The following ANO2 variants were observed in gnomAD, a reference collection of about 807,000 sequenced individuals.
ANO2 encodes the protein anoctamin-2.
A neutral mutation model predicts 124.2 loss-of-function variants in ANO2; 101 were observed. The observed-to-expected ratio is 0.81, with a 90% confidence interval of 0.69 to 0.96. ANO2 has a LOEUF of 0.96. Among genes scored for constraint, ANO2 ranks in the 40% least tolerant of loss-of-function variants. The probability of loss-of-function intolerance (pLI) is 0.00; values close to 1 mark genes in which losing one functional copy is unlikely to be tolerated. For missense variants in ANO2, 1,293 were observed against 1,274.5 expected, an observed-to-expected ratio of 1.01 and a Z score of -0.22; for synonymous variants, 486 against 482.5, an observed-to-expected ratio of 1.01 and a Z score of -0.09.
Position 5,578,456 on chromosome 12 carries a change from G to A in ANO2, c.2296C>T (p.Leu766Phe), listed in dbSNP as rs1942551827. Residue 766 changes from leucine to phenylalanine, a missense_variant, in exon 21 of 25, where the codon CTC becomes TTC. By Grantham distance (22) the Leu-to-Phe change is conservative. Transcript: ENST00000682330. ...ASFPLAPVFALLNNVIEVRLD... is the reference protein window; with the variant it reads ...ASFPLAPVFAFLNNVIEVRLD... Reference sequence around the variant, plus strand: ...CGCACTTCAATGACGTTGTTGAGGAGGGCAAACACAGGTGCCAGGGGAAAG... The same window carrying A: ...CGCACTTCAATGACGTTGTTGAGGAAGGCAAACACAGGTGCCAGGGGAAAG... The A allele has an allele frequency of 3.1e-6, 5 of 1,613,952 alleles. No homozygotes were observed. In the East Asian group the frequency reaches 6.7e-5, roughly 22 times the overall value.
At chr12:5,936,198 T>C (rs1301808591) in intron 1 of ANO2, among the ~76,000 whole-genome samples, 2 of 152,210 alleles carry the variant, frequency 1.3e-5, no homozygotes, top group Non-Finnish European at 2.9e-5. Flanking sequence ...GTCTGTTCAA[T>C]TTTCTTGATG....
chr12:5,766,343 G>A (rs1231441771), intron 10 of ANO2, among the ~76,000 whole-genome samples: 8 of 152,166 alleles, frequency 5.3e-5, no homozygotes, highest in Admixed American at 2.0e-4. Context: ...TTTTGGTATA[G>A]TCACCCAATG....
rs918616296 is a variant in ANO2 at position 5,689,228 on chromosome 12, A to G, written c.1546-41427T>C. ...AAAAGCAAGGGAACTTGAGGCAGGT[A>G]CATATCTGAGGGAGAGTTTAATTAG... On this transcript the variant is annotated intron_variant, in intron 14 of 24. Coordinates refer to ENST00000682330, the MANE Select transcript of ANO2 (RefSeq NM_001364791.2). Among the ~76,000 whole-genome samples the G allele has an allele frequency of 2.6e-5, 4 of 152,238 alleles. No individual in the cohort carries two copies. In the South Asian group the frequency reaches 8.3e-4, roughly 32 times the overall value.
chr12:5,879,941 A>T (rs1316726095), intron 3 of ANO2, among the ~76,000 whole-genome samples: 1 of 152,252 alleles, frequency 6.6e-6, no homozygotes, highest in Non-Finnish European at 1.5e-5. Context: ...CTGATAGAGC[A>T]TGAAGATGGT....
chr12:5,637,875 G>A (rs1471222208), intron 15 of ANO2, among the ~76,000 whole-genome samples: 3 of 152,044 alleles, frequency 2.0e-5, no homozygotes, highest in Admixed American at 6.5e-5. Flanking sequence ...CAGAGCTTTC[G>A]AGCTGCAGGA....
chr12:5,610,629 A>T (rs1045836475), intron 19 of ANO2, among the ~76,000 whole-genome samples: 22 of 143,106 alleles, frequency 1.5e-4, no homozygotes, highest in Non-Finnish European at 1.4e-4. Flanking sequence ...ATATTTATAT[A>T]TATGTATATA....
intron 20 of ANO2, among the ~76,000 whole-genome samples, chr12:5,586,949 C>G (rs1312799738): frequency 6.6e-6 from 1 of 152,176 alleles, no homozygotes; most frequent in Admixed American, 6.5e-5. Context: ...ATTACTAGCA[C>G]TTCAAAATAA....
At chr12:5,750,812 C>T in intron 11 of ANO2, 24 bp downstream of exon 11, 2 of 1,603,480 alleles carry the variant, frequency 1.2e-6, no homozygotes, top group East Asian at 2.2e-5. Flanking sequence ...GGCAACTGAG[C>T]CCTTTTCTTT....
At chr12:5,764,335 C>A (rs1470051500) in intron 10 of ANO2, among the ~76,000 whole-genome samples, 4 of 152,198 alleles carry the variant, frequency 2.6e-5, no homozygotes, top group African/African-American at 4.8e-5. Context: ...GTATTGAGGA[C>A]TAATTGCCAA....
intron 3 of ANO2, among the ~76,000 whole-genome samples, chr12:5,857,200 C>T (rs972887042): frequency 1.7e-4 from 26 of 152,162 alleles, no homozygotes; most frequent in African/African-American, 5.3e-4. Context: ...CAGGCCACTC[C>T]GACATCCATT....
At chr12:5,638,526 T>C (rs1946162065) in intron 15 of ANO2, among the ~76,000 whole-genome samples, 1 of 117,296 alleles carries the variant, frequency 8.5e-6, no homozygotes, top group African/African-American at 3.1e-5. Flanking sequence ...TGAGCCACCA[T>C]GGCCGGCCCA....
chr12:5,901,126 A>G lies in ANO2; in HGVS notation c.534+19914T>C, dbSNP rs1232152503. Among the ~76,000 whole-genome samples, 8 of 152,310 alleles carry G rather than the reference A, an allele frequency of 5.3e-5. No individual in the cohort carries two copies. In the South Asian group the frequency reaches 1.7e-3, roughly 32 times the overall value. On this transcript the variant is annotated intron_variant, in intron 3 of 24. Coordinates refer to ENST00000682330, the MANE Select transcript of ANO2 (RefSeq NM_001364791.2). ...AGCGGTGGCTGCAAGAGGGACCTGG[A>G]GATGTTAGCAAACCCAGGCAGGAAG...
intron 16 of ANO2, among the ~76,000 whole-genome samples, chr12:5,634,896 GC>G (rs71581010): frequency 0.075 from 11,349 of 152,202 alleles, 572 homozygotes; most frequent in Non-Finnish European, 0.11. Flanking sequence ...GATAGTGAGT[GC>G]CCTGTCACAT....
Position 5,945,224 on chromosome 12 carries a change from G to A in ANO2, c.-7C>T, listed in dbSNP as rs903294218. The A allele has an allele frequency of 7.8e-7, 1 of 1,287,748 alleles. No homozygotes were observed. The highest frequency in any genetic ancestry group is 5.6e-5 in the East Asian group (1 of 17,926). The allele number at this position is 1,287,748 out of a possible 1,614,324, so 79.8% of individuals were successfully genotyped here. On this transcript the variant is annotated 5_prime_UTR_variant, in exon 1 of 25. Coordinates refer to ENST00000682330, the MANE Select transcript of ANO2 (RefSeq NM_001364791.2). ...GCGGCCCGGGAGTCGCCATGATGTG[G>A]ACGCAGACCCCGCCGGCCCGCGGCC... is the stretch of plus-strand genomic sequence containing the variant.
chr12:5,893,278 C>G (rs1348327515), intron 3 of ANO2, among the ~76,000 whole-genome samples: 1 of 151,902 alleles, frequency 6.6e-6, no homozygotes, highest in Non-Finnish European at 1.5e-5. Context: ...CACAGCAAAA[C>G]AAATCATCAG....
intron 10 of ANO2, among the ~76,000 whole-genome samples, chr12:5,794,744 T>C (rs1465428226): frequency 6.6e-6 from 1 of 152,194 alleles, no homozygotes; most frequent in Admixed American, 6.5e-5. Flanking sequence ...CCCTTCATCG[T>C]TGTTGTGCCT....
In ANO2 at chr12:5,575,924, T is replaced by C. The variant is rs1401272239; in HGVS notation, c.2531A>G (p.Asn844Ser). ...SHNGTLHGFV[N>S]HTLSFFNVSQ... ...GACGTTGAAAAAGGAGAGGGTGTGG[T>C]TGACAAAGCCGTGCAGAGTCCCATT... Residue 844 changes from asparagine to serine, a missense_variant, in exon 23 of 25, where the codon AAC becomes AGC. Coordinates refer to ENST00000682330, the MANE Select transcript of ANO2 (RefSeq NM_001364791.2). The C allele has an allele frequency of 6.2e-7, 1 of 1,613,682 alleles. No individual in the cohort carries two copies. The highest frequency in any genetic ancestry group is 8.5e-7 in the Non-Finnish European group (1 of 1,179,796).
Position 5,787,143 on chromosome 12 carries a change from G to A in ANO2, c.1055+12364C>T, listed in dbSNP as rs1952562843. ...AGGCTGCCCACAAGTCCTTCAGAAGGACAAAGGGCACATAGGAGGAAACCA... is the reference window on the plus strand; with the variant it reads ...AGGCTGCCCACAAGTCCTTCAGAAGAACAAAGGGCACATAGGAGGAAACCA... On this transcript the variant is annotated intron_variant, in intron 10 of 24. Transcript: ENST00000682330. This position sits in a 1 kb window ranked among gnomAD's most constrained non-coding sequence, Gnocchi z 4.2. Among the ~76,000 whole-genome samples the A allele has an allele frequency of 6.6e-6, 1 of 152,038 alleles. No individual in the cohort carries two copies. Among genetic ancestry groups the A allele is most frequent in the Admixed American group, 6.5e-5 (1 of 15,268 alleles).
intron 19 of ANO2, among the ~76,000 whole-genome samples, chr12:5,607,649 C>T (rs1361961886): frequency 6.6e-6 from 1 of 152,128 alleles, no homozygotes; most frequent in African/African-American, 2.4e-5. Flanking sequence ...TTTATAGCCA[C>T]TCTCCATCCT....
Sources: gnomAD v4.1 joint callset for allele counts (sites outside exome capture counted in the v4.1 genomes callset) on GRCh38, gnomAD v4.1.1 for gene constraint, Gnocchi (gnomAD v3.1) non-coding constraint, MANE v1.5 for transcripts, NCBI Gene and HGNC (gene_info 2026-07-23, HGNC 2026-07-21) for gene names.